The following NBEA variants were observed in gnomAD, a reference collection of about 807,000 sequenced individuals.
NBEA encodes neurobeachin.
Under a neutral mutation model 343.4 loss-of-function variants are expected in NBEA, and 44 were observed. The observed-to-expected ratio is 0.13, with a 90% CI of 0.10 to 0.16. The LOEUF (loss-of-function observed/expected upper bound fraction) is 0.16, where lower values mean the gene tolerates loss of function less well. Among genes scored for constraint, NBEA ranks in the 10% least tolerant of loss-of-function variants. The pLI, the probability that NBEA is intolerant of heterozygous loss-of-function variation, is 1.00. For synonymous variants in NBEA, 1,175 were observed against 1,238.7 expected, an observed-to-expected ratio of 0.95 and a Z score of 1.08; for missense variants, 2,555 against 3,631.3, an observed-to-expected ratio of 0.70 and a Z score of 7.62.
At chr13:35,141,424 G>C (rs1344293803) in intron 17 of NBEA, among the ~76,000 whole-genome samples, 1 of 152,014 alleles carries the variant, frequency 6.6e-6, no homozygotes, top group African/African-American at 2.4e-5. Flanking sequence ...GTGCCACCAC[G>C]CCCAGCTAAT....
chr13:35,322,043 T>G (rs2038188055), intron 36 of NBEA, among the ~76,000 whole-genome samples: 2 of 151,884 alleles, frequency 1.3e-5, no homozygotes, highest in Non-Finnish European at 2.9e-5. Flanking sequence ...TCTGTTGGGG[T>G]GGGATCTGAT....
rs755959028 is a variant in NBEA, at chr13:35,585,293, G to T, written c.7176+1255G>T. Among the ~76,000 whole-genome samples the T allele has an allele frequency of 3.0e-4, 45 of 151,886 alleles. 1 individual carries two copies. Among genetic ancestry groups the T allele is most frequent in the Non-Finnish European group, 4.6e-4 (31 of 67,998 alleles). On this transcript the variant is annotated intron_variant, in intron 46 of 58. Coordinates refer to ENST00000379939, the MANE Select transcript of NBEA (RefSeq NM_001385012.1). ...CACCTCCCATTCAGTCTTTAGCCTG[G>T]TTGATTTCAGTTCCACATCCATCAC... is the stretch of plus-strand genomic sequence containing the variant.
intron 39 of NBEA, among the ~76,000 whole-genome samples, chr13:35,435,132 G>T (rs1366996656): frequency 6.6e-6 from 1 of 151,954 alleles, no homozygotes; most frequent in East Asian, 1.9e-4. Context: ...GGGTTCAAGC[G>T]ATTCTTCTGC....
intron 1 of NBEA, among the ~76,000 whole-genome samples, chr13:35,029,261 C>A (rs1016340468): frequency 1.4e-5 from 2 of 147,956 alleles, no homozygotes; most frequent in Non-Finnish European, 3.0e-5. Context: ...TCTATAACAC[C>A]ACTGCTGTGG....
At chr13:35,543,610 T>C (rs2078932313) in intron 41 of NBEA, among the ~76,000 whole-genome samples, 1 of 152,206 alleles carries the variant, frequency 6.6e-6, no homozygotes, top group Admixed American at 6.5e-5. Context: ...TTGATGCTCC[T>C]ACCCCTCAAC....
chr13:35,430,577 C>G (rs2045037239), intron 38 of NBEA, among the ~76,000 whole-genome samples: 1 of 152,138 alleles, frequency 6.6e-6, no homozygotes, highest in Admixed American at 6.5e-5. Context: ...TATGGGGTTT[C>G]AGGTCTTCAG....
At chr13:35,560,366 T>A (rs1293093487) in intron 44 of NBEA, among the ~76,000 whole-genome samples, 1 of 152,254 alleles carries the variant, frequency 6.6e-6, no homozygotes, top group East Asian at 1.9e-4. Context: ...CTTTTACATT[T>A]CATCAAATTA....
intron 44 of NBEA, among the ~76,000 whole-genome samples, chr13:35,565,662 G>T (rs1453533598): frequency 6.6e-6 from 1 of 152,076 alleles, no homozygotes; most frequent in Non-Finnish European, 1.5e-5. Flanking sequence ...GTTTTCTTAG[G>T]ATCCTGTTTC....
intron 46 of NBEA, among the ~76,000 whole-genome samples, chr13:35,589,623 G>A (rs1001866158): frequency 6.6e-6 from 1 of 152,062 alleles, no homozygotes; most frequent in Non-Finnish European, 1.5e-5. Context: ...ATGACTAAGC[G>A]AAAATCGTGT....
intron 1 of NBEA, among the ~76,000 whole-genome samples, chr13:35,011,136 T>G (rs570704791): frequency 2.0e-5 from 3 of 152,062 alleles, no homozygotes; most frequent in Non-Finnish European, 4.4e-5. Context: ...TGAGGGTAGT[T>G]CATCCACAAG....
intron 38 of NBEA, among the ~76,000 whole-genome samples, chr13:35,377,479 G>C (rs1324799646): frequency 6.6e-6 from 1 of 152,172 alleles, no homozygotes; most frequent in Non-Finnish European, 1.5e-5. Flanking sequence ...ACTGTAGTTT[G>C]ATAGTTAATG....
chr13:34,981,800 C>T (rs1265589698), intron 1 of NBEA, among the ~76,000 whole-genome samples: 1 of 151,324 alleles, frequency 6.6e-6, no homozygotes, highest in African/African-American at 2.4e-5. Context: ...CATCTTGTGT[C>T]AGTAAATTGT....
At chr13:35,476,695 C>T (rs868706958) in intron 41 of NBEA, 1 of 987,540 alleles carries the variant, frequency 1.0e-6, no homozygotes, top group Non-Finnish European at 1.3e-6. Flanking sequence ...TGTCTAAGAG[C>T]CCAGATGCAC....
intron 41 of NBEA, among the ~76,000 whole-genome samples, chr13:35,483,880 C>A (rs954612965): frequency 6.6e-6 from 1 of 151,996 alleles, no homozygotes; most frequent in African/African-American, 2.4e-5. Flanking sequence ...CACACACACA[C>A]AAAAACACCA....
chr13:35,198,104 T>A (rs887869171), intron 31 of NBEA, among the ~76,000 whole-genome samples: 1 of 152,140 alleles, frequency 6.6e-6, no homozygotes, highest in Non-Finnish European at 1.5e-5. Context: ...GGTATTAATA[T>A]TGTGTTTGGA....
At chr13:35,114,592 G>T (rs531708424) in intron 13 of NBEA, among the ~76,000 whole-genome samples, 16 of 152,046 alleles carry the variant, frequency 1.1e-4, no homozygotes, top group Non-Finnish European at 2.4e-4. Context: ...GACTCACTTG[G>T]CTCTGGCTCT....
At position 34,942,870 on chromosome 13, in the gene NBEA, T is replaced by G; in HGVS notation, c.50T>G (p.Val17Gly). Residue 17 changes from valine to glycine, a missense_variant, in exon 1 of 59, where the codon GTG (valine) becomes GGG (glycine). Coordinates refer to ENST00000379939, the MANE Select transcript of NBEA (RefSeq NM_001385012.1). Reference protein sequence around the residue: ...GPGPGLEPQPVGLIAVGAAGG... With the variant: ...GPGPGLEPQPGGLIAVGAAGG... ...GGCCCGGGGCTCGAGCCTCAGCCCG[T>G]GGGGCTCATTGCCGTCGGGGCCGCT... is the stretch of plus-strand genomic sequence containing the variant. The G allele has an allele frequency of 3.6e-6, 5 of 1,395,226 alleles. No homozygotes were observed. Among genetic ancestry groups the G allele is most frequent in the South Asian group, 1.4e-5 (1 of 69,112 alleles). The allele number at this position is 1,395,226 out of a possible 1,614,324, so 86.4% of individuals were successfully genotyped here.
At chr13:35,371,573 A>G (rs1048754152) in intron 38 of NBEA, among the ~76,000 whole-genome samples, 1 of 152,046 alleles carries the variant, frequency 6.6e-6, no homozygotes, top group Non-Finnish European at 1.5e-5. Context: ...TTTCTTGAAT[A>G]TCATTTTGAA....
rs1451053695 is a variant in NBEA, at chr13:35,159,736, C to T, written c.3565C>T (p.His1189Tyr). 6.2e-7 allele frequency: 1 copy of T among 1,613,248 alleles called. No homozygotes were observed. Among genetic ancestry groups the T allele is most frequent in the South Asian group, 1.1e-5 (1 of 91,022 alleles). Residue 1189 changes from histidine (H) to tyrosine (Y), a missense_variant, in exon 22 of 59, where the codon CAC becomes TAC. Transcript: ENST00000379939. Reference sequence around the variant, plus strand: ...TAGTGATGATCTTGGATTGCTTGCTCACATGACCGGTAGCGTAGACTTAAC... The same window carrying T: ...TAGTGATGATCTTGGATTGCTTGCTTACATGACCGGTAGCGTAGACTTAAC... ...GVSDDLGLLAHMTGSVDLTCT... is the reference protein window; with the variant it reads ...GVSDDLGLLAYMTGSVDLTCT...
Sources: gnomAD v4.1 joint callset for allele counts (sites outside exome capture counted in the v4.1 genomes callset) on GRCh38, gnomAD v4.1.1 for gene constraint, MANE v1.5 for transcripts, NCBI Gene and HGNC (gene_info 2026-07-23, HGNC 2026-07-21) for gene names.